The following KIRREL3 variants were observed in gnomAD, a reference collection of about 807,000 sequenced individuals.
KIRREL3 encodes kin of IRRE-like protein 3.
A neutral mutation model predicts 89.7 loss-of-function variants in KIRREL3; 36 were observed. The ratio of observed to expected loss-of-function variants is 0.40; its 90% CI spans 0.31 to 0.53. KIRREL3 has a LOEUF of 0.53. Ranked by LOEUF, KIRREL3 falls within the 20% of genes least tolerant of loss-of-function variation. KIRREL3 has a pLI of 0.49. For missense variants in KIRREL3, 864 were observed against 1,056.6 expected, an observed-to-expected ratio of 0.82 and a Z score of 2.53; for synonymous variants, 445 against 441.4, an observed-to-expected ratio of 1.01 and a Z score of -0.10.
chr11:126,939,941 C>T (rs1393569618), intron 1 of KIRREL3, among the ~76,000 whole-genome samples: 2 of 152,068 alleles, frequency 1.3e-5, no homozygotes, highest in African/African-American at 2.4e-5. Context: ...TAGGAGAAAC[C>T]CAGTACAAAT....
chr11:126,991,819 A>T lies in KIRREL3; in HGVS notation c.55+8636T>A, dbSNP rs1950041977. ...CTGTCTTATGACACCACAGCTTAGGATACTCTCCTGCATTTTTTAGTGTTG... is the reference window on the plus strand; with the variant it reads ...CTGTCTTATGACACCACAGCTTAGGTTACTCTCCTGCATTTTTTAGTGTTG... On this transcript the variant is annotated intron_variant, in intron 1 of 16. Coordinates refer to ENST00000525144, the MANE Select transcript of KIRREL3 (RefSeq NM_032531.4). This position sits in a 1 kb window ranked among gnomAD's most constrained non-coding sequence, Gnocchi z 5.8. Among the ~76,000 whole-genome samples the T allele has an allele frequency of 6.6e-6, 1 of 152,178 alleles. No individual in the cohort carries two copies. The highest frequency in any genetic ancestry group is 2.1e-4 in the South Asian group (1 of 4,830).
chr11:126,455,240 T>C lies in KIRREL3; in HGVS notation c.848+1109A>G, dbSNP rs1008059793. Among the ~76,000 whole-genome samples, 14 of 152,360 alleles carry C rather than the reference T, an allele frequency of 9.2e-5. No homozygotes were observed. Among genetic ancestry groups the C allele is most frequent in the Admixed American group, 2.0e-4 (3 of 15,302 alleles). ...AGTCAGGGCCATGGCAAGTTCCACG[T>C]GGCACCCAAAAGGAGGTGAGTCTGC... is the stretch of plus-strand genomic sequence containing the variant. On this transcript the variant is annotated intron_variant, in intron 7 of 16. Coordinates refer to ENST00000525144, the MANE Select transcript of KIRREL3 (RefSeq NM_032531.4). The surrounding 1 kb of genome is among the most constrained non-coding windows in gnomAD (Gnocchi z 6.4).
intron 7 of KIRREL3, among the ~76,000 whole-genome samples, chr11:126,453,434 G>A (rs1956247359): frequency 6.6e-6 from 1 of 152,214 alleles, no homozygotes; most frequent in Non-Finnish European, 1.5e-5. Context: ...CTTCAGAGAT[G>A]ACAGCCTCTT....
rs766769141 is a variant in KIRREL3, at chr11:126,635,323, TG to T, written c.56-72412del. Among the ~76,000 whole-genome samples the T allele has an allele frequency of 6.6e-5, 10 of 152,228 alleles. No individual in the cohort carries two copies. The highest frequency in any genetic ancestry group is 1.3e-4 in the Non-Finnish European group (9 of 68,044). On this transcript the variant is annotated intron_variant, in intron 1 of 16. Coordinates refer to ENST00000525144, the MANE Select transcript of KIRREL3 (RefSeq NM_032531.4). The surrounding 1 kb of genome is among the most constrained non-coding windows in gnomAD (Gnocchi z 4.0). Reference sequence around the variant, plus strand: ...AGTCCAGAGCAAATCACGGTCTCCATGTTTTTCCTCCCTGGTCCCACATAGG... The same window carrying T: ...AGTCCAGAGCAAATCACGGTCTCCATTTTTTCCTCCCTGGTCCCACATAGG...
At chr11:126,533,692 G>A (rs1464421281) in intron 2 of KIRREL3, among the ~76,000 whole-genome samples, 2 of 152,206 alleles carry the variant, frequency 1.3e-5, no homozygotes, top group African/African-American at 2.4e-5. Context: ...GGCAGATAGT[G>A]CAGTGGTAAT....
chr11:126,644,911 A>G (rs1156381363), intron 1 of KIRREL3, among the ~76,000 whole-genome samples: 2 of 152,224 alleles, frequency 1.3e-5, no homozygotes, highest in African/African-American at 4.8e-5. Context: ...GCCTTTGACC[A>G]GCCCTCCTGA....
chr11:126,490,041 G>T lies in KIRREL3; in HGVS notation c.434-16575C>A, dbSNP rs1486728932. 1.3e-5 allele frequency among the ~76,000 whole-genome samples: 2 copies of T among 152,140 alleles called. No individual in the cohort carries two copies. Among genetic ancestry groups the T allele is most frequent in the Admixed American group, 1.3e-4 (2 of 15,276 alleles). On this transcript the variant is annotated intron_variant, in intron 4 of 16. Transcript: ENST00000525144. This position sits in a 1 kb window ranked among gnomAD's most constrained non-coding sequence, Gnocchi z 4.2. ...TGAGCTGCTTCGAGGAGTGAACGGG[G>T]TGAGGTGTCCAGTGTTGCTTTGAAG...
chr11:126,670,396 G>A (rs1945882589), intron 1 of KIRREL3, among the ~76,000 whole-genome samples: 1 of 152,184 alleles, frequency 6.6e-6, no homozygotes, highest in Non-Finnish European at 1.5e-5. Flanking sequence ...TTGGAACAAG[G>A]TGAGAATATC....
chr11:126,595,113 C>T (rs949301405), intron 1 of KIRREL3, among the ~76,000 whole-genome samples: 2 of 152,252 alleles, frequency 1.3e-5, no homozygotes, highest in Non-Finnish European at 2.9e-5. Context: ...GTCAGCCCGG[C>T]TGAGAGCACT....
At chr11:126,603,666 C>G (rs1049128341) in intron 1 of KIRREL3, among the ~76,000 whole-genome samples, 11 of 152,270 alleles carry the variant, frequency 7.2e-5, no homozygotes, top group Non-Finnish European at 1.3e-4. Flanking sequence ...TGCATCTGCT[C>G]TCTGGCAGCA....
In KIRREL3 at chr11:126,898,211, T is replaced by A. The variant is rs1565396403; in HGVS notation, c.55+102244A>T. Among the ~76,000 whole-genome samples the A allele has an allele frequency of 2.0e-5, 3 of 152,080 alleles. No homozygotes were observed. Among genetic ancestry groups the A allele is most frequent in the Admixed American group, 1.3e-4 (2 of 15,270 alleles). ...TCAAAGCTGTTAGTAACAAGGACAA[T>A]GAAACACTACTTTATGCCAATTAGG... On this transcript the variant is annotated intron_variant, in intron 1 of 16. Coordinates refer to ENST00000525144, the MANE Select transcript of KIRREL3 (RefSeq NM_032531.4). The surrounding 1 kb of genome is among the most constrained non-coding windows in gnomAD (Gnocchi z 4.9).
chr11:126,689,414 G>T lies in KIRREL3; in HGVS notation c.56-126502C>A, dbSNP rs1273435389. 1.3e-5 allele frequency among the ~76,000 whole-genome samples: 2 copies of T among 152,186 alleles called. No homozygotes were observed. The highest frequency in any genetic ancestry group is 3.8e-4 in the East Asian group (2 of 5,198). ...GCATCTCATGATCTATCATTTAACAGCCCTGTCCAAAGTGCTTGCTGGAGA... is the reference window on the plus strand; with the variant it reads ...GCATCTCATGATCTATCATTTAACATCCCTGTCCAAAGTGCTTGCTGGAGA... On this transcript the variant is annotated intron_variant, in intron 1 of 16. Coordinates refer to ENST00000525144, the MANE Select transcript of KIRREL3 (RefSeq NM_032531.4). The surrounding 1 kb of genome is among the most constrained non-coding windows in gnomAD (Gnocchi z 5.2).
In KIRREL3 at chr11:126,755,125, CT is replaced by C. The variant is rs961686758; in HGVS notation, c.56-192214del. On this transcript the variant is annotated intron_variant, in intron 1 of 16. Coordinates refer to ENST00000525144, the MANE Select transcript of KIRREL3 (RefSeq NM_032531.4). This position sits in a 1 kb window ranked among gnomAD's most constrained non-coding sequence, Gnocchi z 4.3. ...AGTAACCTCCTAGTTTGTTTTAAAT[CT>C]TGATTGGAAGAATTATCCTGACAAG... is the stretch of plus-strand genomic sequence containing the variant. Among the ~76,000 whole-genome samples the C allele has an allele frequency of 6.6e-6, 1 of 152,154 alleles. No homozygotes were observed. Among genetic ancestry groups the C allele is most frequent in the Non-Finnish European group, 1.5e-5 (1 of 68,032 alleles).
In KIRREL3 at chr11:126,943,628, G is replaced by T. The variant is rs1001763112; in HGVS notation, c.55+56827C>A. Among the ~76,000 whole-genome samples, 1 of 152,212 alleles carries T rather than the reference G, an allele frequency of 6.6e-6. No homozygotes were observed. Among genetic ancestry groups the T allele is most frequent in the African/African-American group, 2.4e-5 (1 of 41,462 alleles). On this transcript the variant is annotated intron_variant, in intron 1 of 16. Transcript: ENST00000525144. The surrounding 1 kb of genome is among the most constrained non-coding windows in gnomAD (Gnocchi z 4.2). ...TCTCAGAGCATAAGTGCCATCCGGG[G>T]TAGAAGGCAGGGAAAGGGCATGACT... is the stretch of plus-strand genomic sequence containing the variant.
intron 4 of KIRREL3, among the ~76,000 whole-genome samples, chr11:126,478,624 TGTGTATGC>T (rs937789353): frequency 4.7e-5 from 7 of 148,578 alleles, no homozygotes; most frequent in East Asian, 2.0e-4. Context: ...TGTGTGTATG[TGTGTATGC>T]GTGTGTATGT....
chr11:126,545,556 A>G (rs1938746662), intron 2 of KIRREL3, among the ~76,000 whole-genome samples: 1 of 152,112 alleles, frequency 6.6e-6, no homozygotes, highest in Non-Finnish European at 1.5e-5. Flanking sequence ...GGATTGCTTG[A>G]GCCCAGGAGT....
rs557811171 is a variant in KIRREL3 at position 126,641,981 on chromosome 11, G to T, written c.56-79069C>A. ...CCTCTCTCCATTATATGAAAAGTAG[G>T]TGTCTAGTGGGGAGGAGCTTCCTTC... On this transcript the variant is annotated intron_variant, in intron 1 of 16. Coordinates refer to ENST00000525144, the MANE Select transcript of KIRREL3 (RefSeq NM_032531.4). The surrounding 1 kb of genome is among the most constrained non-coding windows in gnomAD (Gnocchi z 5.0). 6.6e-6 allele frequency among the ~76,000 whole-genome samples: 1 copy of T among 152,268 alleles called. No homozygotes were observed. The highest frequency in any genetic ancestry group is 1.9e-4 in the East Asian group (1 of 5,172).
In KIRREL3 at chr11:126,900,887, T is replaced by C. The variant is rs919479933; in HGVS notation, c.55+99568A>G. 1.3e-5 allele frequency among the ~76,000 whole-genome samples: 2 copies of C among 152,126 alleles called. No individual in the cohort carries two copies. Among genetic ancestry groups the C allele is most frequent in the Non-Finnish European group, 1.5e-5 (1 of 68,022 alleles). On this transcript the variant is annotated intron_variant, in intron 1 of 16. Transcript: ENST00000525144. This position sits in a 1 kb window ranked among gnomAD's most constrained non-coding sequence, Gnocchi z 4.4. ...TAACTCAAGTAACTGATTTTTTGTA[T>C]GTAAAACTGTAGGAAAAAAGGGAAA...
At chr11:126,631,539 A>C (rs1480933691) in intron 1 of KIRREL3, among the ~76,000 whole-genome samples, 1 of 152,130 alleles carries the variant, frequency 6.6e-6, no homozygotes, top group African/African-American at 2.4e-5. Flanking sequence ...TTGGAAATTG[A>C]GATGGAGAGA....
Sources: gnomAD v4.1 joint callset for allele counts (sites outside exome capture counted in the v4.1 genomes callset) on GRCh38, gnomAD v4.1.1 for gene constraint, Gnocchi (gnomAD v3.1) non-coding constraint, MANE v1.5 for transcripts, NCBI Gene and HGNC (gene_info 2026-07-23, HGNC 2026-07-21) for gene names.